Variants in CD2AP observed in about 807,000 individuals in gnomAD.
CD2AP encodes CD2 associated protein.
CD2AP carries 46 observed loss-of-function variants against 85.1 expected under a neutral mutation model. The ratio of observed to expected loss-of-function variants is 0.54; its 90% confidence interval spans 0.43 to 0.69. The LOEUF is 0.69. Ranked by LOEUF, CD2AP falls within the 30% of genes least tolerant of loss-of-function variation. The pLI is 0.00. For missense variants in CD2AP, 769 were observed against 729.5 expected, an observed-to-expected ratio of 1.05 and a Z score of -0.62; for synonymous variants, 255 against 252.9, an observed-to-expected ratio of 1.01 and a Z score of -0.08.
At chr6:47,519,153 TA>T (rs1333744121) in intron 2 of CD2AP, among the ~76,000 whole-genome samples, 1 of 152,230 alleles carries the variant, frequency 6.6e-6, no homozygotes, top group Non-Finnish European at 1.5e-5. Flanking sequence ...TGCAAAAGAA[TA>T]AATGAATAAG....
At chr6:47,509,202 A>G (rs1766254966) in intron 2 of CD2AP, among the ~76,000 whole-genome samples, 1 of 152,188 alleles carries the variant, frequency 6.6e-6, no homozygotes, top group Non-Finnish European at 1.5e-5. Flanking sequence ...GAAGACACAC[A>G]ATATTTATTA....
chr6:47,566,598 T>C (rs1768010192), intron 5 of CD2AP, among the ~76,000 whole-genome samples: 1 of 152,004 alleles, frequency 6.6e-6, no homozygotes, highest in Non-Finnish European at 1.5e-5. Flanking sequence ...CGACCCATCC[T>C]CTCAATTCTC....
chr6:47,522,393 T>C (rs112297748), intron 2 of CD2AP, among the ~76,000 whole-genome samples: 8 of 152,356 alleles, frequency 5.3e-5, no homozygotes, highest in African/African-American at 1.9e-4. Context: ...GTAGTGATCC[T>C]GGAGGTGGTA....
At chr6:47,522,468 A>T (rs552936206) in intron 2 of CD2AP, among the ~76,000 whole-genome samples, 2 of 152,158 alleles carry the variant, frequency 1.3e-5, no homozygotes, top group African/African-American at 2.4e-5. Flanking sequence ...AAATAAGTGG[A>T]TATGTTAACA....
chr6:47,597,645 A>G (rs1768987760), intron 12 of CD2AP, among the ~76,000 whole-genome samples: 1 of 150,974 alleles, frequency 6.6e-6, no homozygotes, highest in Admixed American at 6.6e-5. Context: ...CTGAAGACAA[A>G]GGAACCCAAA....
chr6:47,606,276 C>A lies in CD2AP; in HGVS notation c.1529C>A (p.Ser510Tyr). 2 of 1,535,136 alleles carry A rather than the reference C, an allele frequency of 1.3e-6. No individual in the cohort carries two copies. The highest frequency in any genetic ancestry group is 3.3e-5 in the Admixed American group (2 of 59,806). ...RLPGRFNGGH[S>Y]PTHSPEKILK... is the part of the protein sequence containing the mutation. Reference sequence around the variant, plus strand: ...CCGGGCCGTTTCAATGGTGGACATTCTGTGAGTTCATCTAATTGTCGTAAA... The same window carrying A: ...CCGGGCCGTTTCAATGGTGGACATTATGTGAGTTCATCTAATTGTCGTAAA... The change falls in exon 14 of 18, where the codon TCT becomes TAT. Residue 510 changes from serine (S) to tyrosine (Y), a missense_variant and splice_region_variant. By Grantham distance (144) the Ser-to-Tyr change is moderately radical. Transcript: ENST00000359314.
At chr6:47,612,404 G>T in intron 16 of CD2AP, 69 bp from the exon 17 acceptor site, 1 of 1,125,642 alleles carries the variant, frequency 8.9e-7, no homozygotes. Context: ...GTAACAAAAA[G>T]CCTGTAAACA....
chr6:47,510,218 T>C (rs1489562828), intron 2 of CD2AP, among the ~76,000 whole-genome samples: 3 of 152,218 alleles, frequency 2.0e-5, no homozygotes, highest in African/African-American at 7.2e-5. Flanking sequence ...AGGAATGGTT[T>C]TGTATATATA....
At chr6:47,610,971 ATTTTT>A (rs11331165) in intron 16 of CD2AP, among the ~76,000 whole-genome samples, 4 of 112,906 alleles carry the variant, frequency 3.5e-5, no homozygotes, top group African/African-American at 1.1e-4. Flanking sequence ...ATATATATGT[ATTTTT>A]TTTTTTTTTT....
chr6:47,486,602 C>G (rs943926896), intron 1 of CD2AP, among the ~76,000 whole-genome samples: 4 of 152,142 alleles, frequency 2.6e-5, no homozygotes, highest in African/African-American at 9.7e-5. Context: ...TTTTCCTCCA[C>G]TTCTGGCAAA....
At chr6:47,535,911 CAA>C (rs1225479048) in intron 3 of CD2AP, among the ~76,000 whole-genome samples, 2 of 152,112 alleles carry the variant, frequency 1.3e-5, no homozygotes, top group East Asian at 3.9e-4. Flanking sequence ...AGAAGTTAGA[CAA>C]AGAGGTTGAA....
intron 11 of CD2AP, among the ~76,000 whole-genome samples, chr6:47,591,411 G>A (rs1768788629): frequency 6.6e-6 from 1 of 152,088 alleles, no homozygotes; most frequent in Non-Finnish European, 1.5e-5. Flanking sequence ...ACTTCAGTGA[G>A]ATAAATACGA....
At chr6:47,480,537 C>T (rs1214220212) in intron 1 of CD2AP, among the ~76,000 whole-genome samples, 3 of 152,202 alleles carry the variant, frequency 2.0e-5, no homozygotes, top group African/African-American at 7.2e-5. Context: ...TCTCTTCTAC[C>T]TACTGGCTGT....
At chr6:47,617,504 A>G (rs1046861462) in intron 17 of CD2AP, among the ~76,000 whole-genome samples, 1 of 152,122 alleles carries the variant, frequency 6.6e-6, no homozygotes, top group Non-Finnish European at 1.5e-5. Context: ...AGTTAAATTT[A>G]TCATCTTCCT....
chr6:47,505,475 G>A (rs1187332549), intron 2 of CD2AP, among the ~76,000 whole-genome samples: 7 of 150,468 alleles, frequency 4.7e-5, no homozygotes, highest in Non-Finnish European at 5.9e-5. Context: ...TCTCTTCCCC[G>A]CCTTTCCCGC....
chr6:47,529,199 C>G (rs1038131088), intron 2 of CD2AP, among the ~76,000 whole-genome samples: 4 of 66,650 alleles, frequency 6.0e-5, no homozygotes, highest in Non-Finnish European at 1.3e-4. Flanking sequence ...CCCCCCCCCC[C>G]CAACTTATTG....
At chr6:47,582,126 A>T in intron 11 of CD2AP, 61 bp downstream of exon 11, 2 of 1,047,048 alleles carry the variant, frequency 1.9e-6, no homozygotes, top group Non-Finnish European at 3.0e-6. Context: ...TTTTAAAGAG[A>T]ATTATTTCTC....
chr6:47,553,020 G>T, intron 4 of CD2AP, among the ~76,000 whole-genome samples: 1 of 150,036 alleles, frequency 6.7e-6, no homozygotes. Flanking sequence ...AGCCCTTTCT[G>T]TTTGCTCCTA....
At chr6:47,509,762 A>G (rs773896291) in intron 2 of CD2AP, among the ~76,000 whole-genome samples, 9 of 152,192 alleles carry the variant, frequency 5.9e-5, no homozygotes, top group Non-Finnish European at 1.0e-4. Context: ...CAAATCACAT[A>G]ATTTCCCTGT....
Sources: gnomAD v4.1 joint callset for allele counts (sites outside exome capture counted in the v4.1 genomes callset) on GRCh38, gnomAD v4.1.1 for gene constraint, MANE v1.5 for transcripts, NCBI Gene and HGNC (gene_info 2026-07-23, HGNC 2026-07-21) for gene names.